Variants in PRR16 observed in about 807,000 individuals in gnomAD.
PRR16 encodes the protein protein Largen.
In PRR16, 6 loss-of-function variants were observed where a neutral mutation model predicts 18.2. The ratio of observed to expected loss-of-function variants is 0.33; its 90% CI spans 0.18 to 0.65. PRR16 has a LOEUF of 0.65. PRR16 is among the 30% of genes least tolerant of loss of function. PRR16 has a pLI of 0.74. For synonymous variants in PRR16, 151 were observed against 147.8 expected, an observed-to-expected ratio of 1.02 and a Z score of -0.16; for missense variants, 412 against 376.6, an observed-to-expected ratio of 1.09 and a Z score of -0.78.
intron 1 of PRR16, 44 bp from the exon 2 acceptor site, chr5:120,685,910 G>C (rs1346806568): frequency 5.8e-6 from 9 of 1,554,586 alleles, no homozygotes; most frequent in Non-Finnish European, 7.9e-6. Context: ...AGTATACTTT[G>C]TTTGGGTCAT....
chr5:120,619,830 A>G (rs1023294770), intron 1 of PRR16, among the ~76,000 whole-genome samples: 1 of 152,080 alleles, frequency 6.6e-6, no homozygotes, highest in Non-Finnish European at 1.5e-5. Flanking sequence ...AAAAAGAAAT[A>G]TAAAGATTAA....
the PRR16 span, among the ~76,000 whole-genome samples, chr5:120,755,150 C>T: frequency 1.3e-5 from 2 of 151,694 alleles, no homozygotes; most frequent in East Asian, 1.9e-4. Flanking sequence ...TGTAACAAAC[C>T]TGCACGTTGT....
intron 1 of PRR16, among the ~76,000 whole-genome samples, chr5:120,678,033 C>T (rs2150151871): frequency 6.6e-6 from 1 of 151,124 alleles, no homozygotes; most frequent in East Asian, 2.0e-4. Flanking sequence ...CCTCAGCCTC[C>T]CGAATAGCTG....
At chr5:120,519,155 C>T (rs1021297482) in intron 1 of PRR16, among the ~76,000 whole-genome samples, 1 of 151,982 alleles carries the variant, frequency 6.6e-6, no homozygotes, top group Non-Finnish European at 1.5e-5. Context: ...GAGAGAGAAT[C>T]TAGACCCTAG....
chr5:120,541,839 A>G (rs1048841732), intron 1 of PRR16, among the ~76,000 whole-genome samples: 3 of 152,126 alleles, frequency 2.0e-5, no homozygotes, highest in African/African-American at 7.2e-5. Flanking sequence ...AACCAAAAAG[A>G]CATTTCCTCC....
intron 1 of PRR16, among the ~76,000 whole-genome samples, chr5:120,499,655 CTAT>C (rs908914888): frequency 1.1e-4 from 17 of 151,916 alleles, no homozygotes; most frequent in Non-Finnish European, 2.4e-4. Context: ...TTTTCTACTT[CTAT>C]TATTTTGTTT....
chr5:120,754,579 TTATA>T, the PRR16 span, among the ~76,000 whole-genome samples: 15 of 13,586 alleles, frequency 1.1e-3, no homozygotes, highest in East Asian at 0.013. Context: ...TATTTATATT[TTATA>T]TATTATATAT....
At chr5:120,682,328 G>C (rs191138936) in intron 1 of PRR16, among the ~76,000 whole-genome samples, 1 of 152,100 alleles carries the variant, frequency 6.6e-6, no homozygotes, top group Non-Finnish European at 1.5e-5. Flanking sequence ...TCTTCAGAGC[G>C]CTTGAGCTAG....
chr5:120,572,245 G>A (rs571968214), intron 1 of PRR16, among the ~76,000 whole-genome samples: 2 of 152,148 alleles, frequency 1.3e-5, no homozygotes, highest in Non-Finnish European at 2.9e-5. Flanking sequence ...CTCATTTCCT[G>A]ATGGGAGAAC....
rs548295197 is a variant in PRR16, at chr5:120,555,709, A to G, written c.159+91064A>G. On this transcript the variant is annotated intron_variant, in intron 1 of 1. Coordinates refer to ENST00000407149, the MANE Select transcript of PRR16 (RefSeq NM_001300783.2). ...AACATATGAATTTTGGCAGGACACA[A>G]ACATTTAGTCCACAATAAGGCCTAT... 2.6e-5 allele frequency among the ~76,000 whole-genome samples: 4 copies of G among 151,846 alleles called. No individual in the cohort carries two copies. The East Asian group carries it at 7.8e-4, about 30-fold the overall frequency.
intron 1 of PRR16, among the ~76,000 whole-genome samples, chr5:120,542,611 A>G (rs1258607954): frequency 3.3e-5 from 5 of 152,204 alleles, no homozygotes; most frequent in Admixed American, 2.6e-4. Flanking sequence ...AAACAAAAAC[A>G]GACAAAAAAT....
At chr5:120,583,685 C>T (rs558726236) in intron 1 of PRR16, among the ~76,000 whole-genome samples, 2 of 152,166 alleles carry the variant, frequency 1.3e-5, no homozygotes, top group South Asian at 2.1e-4. Flanking sequence ...CACAAGGACA[C>T]CTCTGGAGGT....
In PRR16 at chr5:120,686,300, G is replaced by A. The variant is rs1757120480; in HGVS notation, c.506G>A (p.Gly169Glu). The change falls in exon 2 of 2, where the codon GGA (glycine) becomes GAA (glutamate). Residue 169 changes from glycine to glutamate, a missense_variant. Transcript: ENST00000407149. ...LPGGPNKIPNGDICCIPNSNL... is the reference protein window; with the variant it reads ...LPGGPNKIPNEDICCIPNSNL... ...GGTGGACCTAACAAAATTCCAAATG[G>A]AGATATCTGCTGCATACCCAACAGT... The A allele has an allele frequency of 6.2e-7, 1 of 1,613,944 alleles. No individual in the cohort carries two copies.
At chr5:120,482,740 C>G (rs1303302593) in intron 1 of PRR16, among the ~76,000 whole-genome samples, 1 of 152,098 alleles carries the variant, frequency 6.6e-6, no homozygotes. Flanking sequence ...ATTTATAGCT[C>G]CATCAGAGTA....
At chr5:120,780,744 A>T in the PRR16 span, among the ~76,000 whole-genome samples, 1 of 152,164 alleles carries the variant, frequency 6.6e-6, no homozygotes, top group Admixed American at 6.5e-5. Context: ...TAGTAACCTT[A>T]ATGACATCCT....
intron 1 of PRR16, among the ~76,000 whole-genome samples, chr5:120,606,817 G>A (rs1429727094): frequency 6.6e-6 from 1 of 152,010 alleles, no homozygotes; most frequent in Non-Finnish European, 1.5e-5. Context: ...TGAGGTGGTA[G>A]GATCACTTGG....
At chr5:120,777,835 G>A in the PRR16 span, among the ~76,000 whole-genome samples, 14 of 152,154 alleles carry the variant, frequency 9.2e-5, no homozygotes, top group Non-Finnish European at 1.8e-4. Flanking sequence ...GAAATCATAC[G>A]TGCTATATGT....
chr5:120,517,121 G>A (rs1174895435), intron 1 of PRR16, among the ~76,000 whole-genome samples: 1 of 152,198 alleles, frequency 6.6e-6, no homozygotes, highest in Non-Finnish European at 1.5e-5. Flanking sequence ...ATCCCGCTGT[G>A]CAGGAATAGT....
At chr5:120,701,100 A>T in the PRR16 span, among the ~76,000 whole-genome samples, 4 of 152,140 alleles carry the variant, frequency 2.6e-5, no homozygotes, top group Admixed American at 2.6e-4. Flanking sequence ...TGGCCGCTGC[A>T]GTTCAGGCAT....
Sources: gnomAD v4.1 joint callset for allele counts (sites outside exome capture counted in the v4.1 genomes callset) on GRCh38, gnomAD v4.1.1 for gene constraint, MANE v1.5 for transcripts, NCBI Gene and HGNC (gene_info 2026-07-23, HGNC 2026-07-21) for gene names.